RBFOX1: variants seen among roughly 807,000 people sequenced by gnomAD.
The protein encoded by RBFOX1 is RNA binding protein fox-1 homolog 1.
In RBFOX1, 8 loss-of-function variants were observed where a neutral mutation model predicts 57.7. The ratio of observed to expected loss-of-function variants is 0.14; its 90% CI spans 0.08 to 0.25. The LOEUF is 0.25. Ranked by LOEUF, RBFOX1 falls within the 10% of genes least tolerant of loss-of-function variation. The pLI, the probability that RBFOX1 is intolerant of heterozygous loss-of-function variation, is 1.00. For missense variants in RBFOX1, 611 were observed against 548.5 expected (o/e 1.11, Z -1.14); for synonymous variants, 326 against 222.4 (o/e 1.47, Z -4.15).
At chr16:7,452,828 T>C (rs773060511) in intron 4 of RBFOX1, among the ~76,000 whole-genome samples, 2 of 152,034 alleles carry the variant, frequency 1.3e-5, no homozygotes, top group Non-Finnish European at 2.9e-5. Flanking sequence ...AAAAGGTAAA[T>C]GTAAAATTGC....
chr16:7,242,624 C>G (rs1463017873), intron 4 of RBFOX1, among the ~76,000 whole-genome samples: 1 of 152,192 alleles, frequency 6.6e-6, no homozygotes, highest in African/African-American at 2.4e-5. Flanking sequence ...ATGGTGACAG[C>G]TGCAGGATGC....
chr16:5,669,955 A>G (rs1427379858), intron 3 of RBFOX1, among the ~76,000 whole-genome samples: 2 of 152,252 alleles, frequency 1.3e-5, no homozygotes, highest in Non-Finnish European at 2.9e-5. Context: ...AGGGAAGACT[A>G]GATAAACACA....
At chr16:6,584,450 C>T (rs1186277467) in intron 2 of RBFOX1, among the ~76,000 whole-genome samples, 1 of 151,464 alleles carries the variant, frequency 6.6e-6, no homozygotes, top group Non-Finnish European at 1.5e-5. Context: ...ACACTCCAAC[C>T]TCTGCCTCCT....
chr16:5,806,123 C>T (rs2055218117), intron 3 of RBFOX1, among the ~76,000 whole-genome samples: 1 of 152,168 alleles, frequency 6.6e-6, no homozygotes, highest in African/African-American at 2.4e-5. Context: ...TACTAGCAGA[C>T]CTGCCTTCCC....
At position 7,527,321 on chromosome 16, in the gene RBFOX1, G is replaced by A. The variant is rs1008691585; in HGVS notation, c.270+8932G>A. On this transcript the variant is annotated intron_variant, in intron 5 of 15. Transcript: ENST00000550418. ...AAAGACCTTTATTACCCAATACTGT[G>A]CCTGTTTTATTATTTTAAAGACCCT... is the stretch of plus-strand genomic sequence containing the variant. Among the ~76,000 whole-genome samples, 46 of 152,148 alleles carry A rather than the reference G, an allele frequency of 3.0e-4. 1 individual carries two copies. Among genetic ancestry groups the A allele is most frequent in the African/African-American group, 1.1e-3 (46 of 41,508 alleles).
chr16:6,459,311 G>A (rs2094852232), intron 2 of RBFOX1, among the ~76,000 whole-genome samples: 2 of 152,276 alleles, frequency 1.3e-5, no homozygotes, highest in South Asian at 4.1e-4. Flanking sequence ...ACTCCAGCCT[G>A]GGCGACAGAG....
intron 4 of RBFOX1, among the ~76,000 whole-genome samples, chr16:7,357,312 C>A (rs1482162741): frequency 1.3e-5 from 2 of 151,848 alleles, no homozygotes; most frequent in Admixed American, 1.3e-4. Flanking sequence ...TCATTATACT[C>A]CCATTTTTCA....
intron 4 of RBFOX1, among the ~76,000 whole-genome samples, chr16:5,872,066 G>A (rs1024480347): frequency 8.5e-5 from 13 of 152,078 alleles, no homozygotes; most frequent in South Asian, 2.1e-4. Flanking sequence ...TCCAAGCCTC[G>A]TTCTCAGGAA....
intron 1 of RBFOX1, among the ~76,000 whole-genome samples, chr16:5,395,371 A>T (rs768498945): frequency 3.9e-5 from 6 of 152,202 alleles, no homozygotes; most frequent in Non-Finnish European, 1.5e-5. Flanking sequence ...GTTGTAGGTG[A>T]GGGAGACCAT....
intron 4 of RBFOX1, among the ~76,000 whole-genome samples, chr16:7,398,644 A>T (rs1316269924): frequency 1.3e-5 from 2 of 152,206 alleles, no homozygotes; most frequent in African/African-American, 2.4e-5. Flanking sequence ...GGAGACTGCC[A>T]GAGAGGCAAT....
intron 4 of RBFOX1, among the ~76,000 whole-genome samples, chr16:5,908,569 T>C (rs1597740623): frequency 6.6e-6 from 1 of 152,004 alleles, no homozygotes; most frequent in Non-Finnish European, 1.5e-5. Context: ...GCCTGGCTGG[T>C]CTCGAACTCC....
intron 3 of RBFOX1, among the ~76,000 whole-genome samples, chr16:5,736,428 C>T (rs1317472412): frequency 6.6e-6 from 1 of 151,962 alleles, no homozygotes; most frequent in Non-Finnish European, 1.5e-5. Flanking sequence ...TTCAGCCACC[C>T]ACGGCCATAT....
At chr16:5,886,546 T>C (rs1039530564) in intron 4 of RBFOX1, among the ~76,000 whole-genome samples, 2 of 152,238 alleles carry the variant, frequency 1.3e-5, no homozygotes, top group African/African-American at 2.4e-5. Context: ...GGTCTTCTTA[T>C]GTGAAAGAAT....
At chr16:6,515,590 G>C (rs1478633407) in intron 2 of RBFOX1, among the ~76,000 whole-genome samples, 1 of 152,104 alleles carries the variant, frequency 6.6e-6, no homozygotes, top group Non-Finnish European at 1.5e-5. Context: ...TTCTAAAGAA[G>C]CCTTTTTATG....
intron 1 of RBFOX1, among the ~76,000 whole-genome samples, chr16:6,032,113 C>G (rs771268931): frequency 6.6e-6 from 1 of 151,984 alleles, no homozygotes; most frequent in African/African-American, 2.4e-5. Context: ...CTTAAAGGTT[C>G]TGTTTTTAGA....
At chr16:6,214,297 G>T (rs1210797554) in intron 1 of RBFOX1, among the ~76,000 whole-genome samples, 6 of 152,074 alleles carry the variant, frequency 3.9e-5, no homozygotes, top group Admixed American at 1.3e-4. Flanking sequence ...AAGGATGAAA[G>T]AGTAGGAGGG....
At chr16:6,845,852 C>T (rs145028333) in intron 3 of RBFOX1, among the ~76,000 whole-genome samples, 1 of 152,188 alleles carries the variant, frequency 6.6e-6, no homozygotes, top group Non-Finnish European at 1.5e-5. Context: ...TAATCTCAGT[C>T]CCACTTGTGT....
intron 5 of RBFOX1, among the ~76,000 whole-genome samples, chr16:7,572,614 C>T (rs1404548245): frequency 1.3e-5 from 2 of 151,958 alleles, no homozygotes; most frequent in Admixed American, 1.3e-4. Flanking sequence ...CTGAGGCGGG[C>T]GGATCACGAG....
Position 6,584,146 on chromosome 16 carries a change from T to C in RBFOX1, c.-63-70457T>C, listed in dbSNP as rs1445684046. Reference sequence around the variant, plus strand: ...CTCCTAATGTATTCTGTGTTCCTATTGTGTGGTAAGCATTGTCCCTGCTGT... The same window carrying C: ...CTCCTAATGTATTCTGTGTTCCTATCGTGTGGTAAGCATTGTCCCTGCTGT... On this transcript the variant is annotated intron_variant, in intron 2 of 15. Coordinates refer to ENST00000550418, the MANE Select transcript of RBFOX1 (RefSeq NM_018723.4). 3.9e-5 allele frequency among the ~76,000 whole-genome samples: 6 copies of C among 151,992 alleles called. 1 individual carries two copies. The East Asian group carries it at 9.7e-4, about 25-fold the overall frequency.
Sources: allele counts gnomAD v4.1 joint callset (sites outside exome capture counted in the v4.1 genomes callset), GRCh38; gene constraint gnomAD v4.1.1; transcripts MANE v1.5; gene names NCBI Gene and HGNC (gene_info 2026-07-23, HGNC 2026-07-21).